The following SPATA1 variants were observed in gnomAD, a reference collection of about 807,000 sequenced individuals.
The protein encoded by SPATA1 is spermatogenesis-associated protein 1.
A neutral mutation model predicts 59.6 loss-of-function variants in SPATA1; 57 were observed. That is an observed-to-expected ratio of 0.96 (90% CI 0.77 to 1.19). SPATA1 has a LOEUF of 1.19. SPATA1 is among the 50% of genes most tolerant of loss of function. The pLI is 0.00. For missense variants in SPATA1, 448 were observed against 480.7 expected, an observed-to-expected ratio of 0.93 and a Z score of 0.64; for synonymous variants, 147 against 163.9, an observed-to-expected ratio of 0.90 and a Z score of 0.79.
chr1:84,537,847 C>A (rs1028615988), intron 8 of SPATA1, among the ~76,000 whole-genome samples: 1 of 152,192 alleles, frequency 6.6e-6, no homozygotes, highest in African/African-American at 2.4e-5. Context: ...AATGGCTTTG[C>A]AAATTCTCCC....
chr1:84,520,062 C>T (rs12145405), intron 2 of SPATA1: 27,432 of 152,176 alleles, frequency 0.18, 2,556 homozygotes, highest in South Asian at 0.31. Flanking sequence ...AACAATCATT[C>T]CTTTCTCATT....
At chr1:84,516,431 A>T (rs1434961114) in intron 2 of SPATA1, 36 bp downstream of exon 2, 42 of 1,244,204 alleles carry the variant, frequency 3.4e-5, no homozygotes, top group Non-Finnish European at 4.5e-5. Context: ...TATAAGAAAG[A>T]CCTGCTTATC....
downstream of SPATA1, chr1:84,555,218 A>T: frequency 6.4e-7 from 1 of 1,573,122 alleles, no homozygotes; most frequent in African/African-American, 1.4e-5. Flanking sequence ...ATAAATTAAA[A>T]TGGAGATTTT....
At position 84,545,662 on chromosome 1, in the gene SPATA1, A is replaced by C. The variant is rs530525363; in HGVS notation, c.849A>C (p.Gln283His). The change falls in exon 10 of 13, where the codon CAA becomes CAC. Residue 283 changes from glutamine to histidine, a missense_variant. Transcript: ENST00000490879. ...AGAAGATTATCAAACAAATGAAACA[A>C]GTAAAGGAAGAAAGAAGGTATCTGG... The C allele has an allele frequency of 1.6e-5, 24 of 1,521,886 alleles. No homozygotes were observed. The African/African-American group carries it at 2.1e-4, about 14-fold the overall frequency. The allele number at this position is 1,521,886 out of a possible 1,614,324, so 94.3% of individuals were successfully genotyped here.
intron 2 of SPATA1, 111 bp from the exon 3 acceptor site, chr1:84,520,474 T>A: frequency 1.4e-6 from 1 of 704,080 alleles, no homozygotes; most frequent in Non-Finnish European, 2.2e-6. Context: ...GATGTATGTA[T>A]TCCATGTTTT....
intron 3 of SPATA1, among the ~76,000 whole-genome samples, chr1:84,521,485 T>C (rs1683025296): frequency 6.6e-6 from 1 of 152,188 alleles, no homozygotes; most frequent in African/African-American, 2.4e-5. Context: ...CCTTGTACTT[T>C]CTGTTCCTTT....
chr1:84,550,677 GA>G (rs934291005), intron 12 of SPATA1, 147 bp downstream of exon 12: 2,482 of 1,105,792 alleles, frequency 2.2e-3, no homozygotes, highest in East Asian at 5.8e-3. Flanking sequence ...GAGCATAGGT[GA>G]AAAAAAAAAT....
At chr1:84,558,176 G>A (rs1056386908), downstream of SPATA1, among the ~76,000 whole-genome samples, 1 of 152,064 alleles carries the variant, frequency 6.6e-6, no homozygotes, top group Non-Finnish European at 1.5e-5. Flanking sequence ...TTTAAAAAAT[G>A]GTATGTGAGG....
intron 4 of SPATA1, among the ~76,000 whole-genome samples, chr1:84,565,585 G>A (rs1310496999): frequency 6.6e-6 from 1 of 152,120 alleles, no homozygotes; most frequent in Non-Finnish European, 1.5e-5. Context: ...ATGCAATCAT[G>A]AGCAGTTAAT....
At chr1:84,544,163 A>G (rs1033003885) in intron 8 of SPATA1, 39 bp from the exon 9 acceptor site, 5 of 1,283,362 alleles carry the variant, frequency 3.9e-6, no homozygotes, top group Admixed American at 3.9e-5. Context: ...AGAATGTGAC[A>G]GTGTAGCCGA....
intron 6 of SPATA1, 90 bp from the exon 7 acceptor site, chr1:84,532,770 T>C: frequency 1.3e-6 from 1 of 793,026 alleles, no homozygotes; most frequent in Non-Finnish European, 2.0e-6. Flanking sequence ...TACGATAAGA[T>C]TATAGTGTAC....
chr1:84,545,866 C>T, intron 10 of SPATA1, 107 bp downstream of exon 10: 1 of 871,582 alleles, frequency 1.1e-6, no homozygotes, highest in Non-Finnish European at 1.6e-6. Context: ...TACTGTTTTA[C>T]TATTTTAGTT....
intron 1 of SPATA1, among the ~76,000 whole-genome samples, chr1:84,514,956 G>A (rs575437164): frequency 6.6e-6 from 1 of 152,018 alleles, no homozygotes; most frequent in South Asian, 2.1e-4. Context: ...GGGCAACACA[G>A]GGAGACTCTG....
exon 13 of SPATA1, chr1:84,553,567 G>C (rs1404843881): frequency 3.3e-5 from 5 of 152,196 alleles, no homozygotes; most frequent in Non-Finnish European, 7.3e-5. Context: ...TAAAAGAATG[G>C]GGGTATTGAA....
chr1:84,559,130 T>C (rs1328097328), downstream of SPATA1, among the ~76,000 whole-genome samples: 2 of 152,240 alleles, frequency 1.3e-5, no homozygotes, highest in South Asian at 2.1e-4. Flanking sequence ...GGCAACTCTA[T>C]TGAACAAGTC....
At chr1:84,556,971 G>C (rs551685760), downstream of SPATA1, among the ~76,000 whole-genome samples, 1 of 152,250 alleles carries the variant, frequency 6.6e-6, no homozygotes, top group South Asian at 2.1e-4. Context: ...CAAACCCAAA[G>C]ACATATACCT....
chr1:84,506,451 A>T (rs2101896243), intron 1 of SPATA1, 33 bp downstream of exon 1: 1 of 165,426 alleles, frequency 6.0e-6, no homozygotes, highest in Middle Eastern at 2.9e-3. Flanking sequence ...GCCGCGAAGA[A>T]CTAAGAGGGG....
intron 6 of SPATA1, 135 bp downstream of exon 6, chr1:84,526,208 G>A: frequency 3.0e-6 from 2 of 663,632 alleles, no homozygotes; most frequent in Non-Finnish European, 4.7e-6. Flanking sequence ...AATTCCACTT[G>A]GGGATTTCTA....
intron 12 of SPATA1, chr1:84,552,169 A>AG (rs1684293384): frequency 6.6e-6 from 1 of 152,196 alleles, no homozygotes; most frequent in African/African-American, 2.4e-5. Flanking sequence ...AGCACTACCT[A>AG]TAAGATTCAG....
Sources: allele counts gnomAD v4.1 joint callset (sites outside exome capture counted in the v4.1 genomes callset), GRCh38; gene constraint gnomAD v4.1.1; transcripts MANE v1.5; gene names NCBI Gene and HGNC (gene_info 2026-07-23, HGNC 2026-07-21).